GPR83: variants seen among roughly 807,000 people sequenced by gnomAD.
GPR83 encodes G-protein coupled receptor 72.
Under a neutral mutation model 28.0 loss-of-function variants are expected in GPR83, and 23 were observed. The observed-to-expected ratio is 0.82, with a 90% CI of 0.59 to 1.16. The LOEUF (loss-of-function observed/expected upper bound fraction) is 1.16, where lower values mean the gene tolerates loss of function less well. GPR83 is among the 50% of genes most tolerant of loss of function. GPR83 has a pLI of 0.00. For synonymous variants in GPR83, 234 were observed against 215.4 expected, an observed-to-expected ratio of 1.09 and a Z score of -0.76; for missense variants, 610 against 536.6, an observed-to-expected ratio of 1.14 and a Z score of -1.35.
chr11:94,384,457 C>G lies in GPR83; in HGVS notation c.648-3684G>C, dbSNP rs182298163. ...ATTTCTGCATTTCCAAGAGAGGTAC[C>G]GGGTTCATCTCACTGGGGATTGTCG... is the stretch of plus-strand genomic sequence containing the variant. On this transcript the variant is annotated intron_variant, in intron 3 of 3. Transcript: ENST00000243673. Among the ~76,000 whole-genome samples the G allele has an allele frequency of 2.0e-5, 3 of 152,266 alleles. 1 individual carries two copies. In the South Asian group the frequency reaches 6.2e-4, roughly 32 times the overall value.
In GPR83 at chr11:94,401,261, C is replaced by T. The variant is rs779447859; in HGVS notation, c.-14G>A. The T allele has an allele frequency of 1.3e-6, 2 of 1,579,104 alleles. No individual in the cohort carries two copies. The highest frequency in any genetic ancestry group is 1.7e-6 in the Non-Finnish European group (2 of 1,165,864). On this transcript the variant is annotated 5_prime_UTR_variant, in exon 1 of 4. The change creates a new upstream start codon in the 5' untranslated region. Transcript: ENST00000243673. ...GTGAGGGACCATTTTGCAGGAGCCA[C>T]CCCTCCCCTGGGAGCCTGCGGGCCG...
At chr11:94,393,787 C>G (rs564762245) in intron 2 of GPR83, among the ~76,000 whole-genome samples, 169 bp from the exon 3 acceptor site, 1 of 151,768 alleles carries the variant, frequency 6.6e-6, no homozygotes, top group Non-Finnish European at 1.5e-5. Flanking sequence ...ACAGTGAGAC[C>G]CTGTCTCTAT....
At position 94,380,763 on chromosome 11, in the gene GPR83, C is replaced by A. The variant is rs756863949; in HGVS notation, c.658G>T (p.Val220Leu). The A allele has an allele frequency of 4.6e-5, 74 of 1,607,762 alleles. No individual in the cohort carries two copies. Among genetic ancestry groups the A allele is most frequent in the Non-Finnish European group, 5.9e-5 (70 of 1,177,672 alleles). The change falls in exon 4 of 4, where the codon GTG becomes TTG. Residue 220 changes from valine (V) to leucine (L), a missense_variant. Val to Leu is a conservative substitution (Grantham distance 32, BLOSUM62 1). Transcript: ENST00000243673. ...AAGTCTGGCAGGCAGAGGGAGCGCA[C>A]AATGTCCTCACTGGGGGCAGGAAGT... ...LFTFKYSEDI[V>L]RSLCLPDFPE...
chr11:94,401,140 G>A lies in GPR83; in HGVS notation c.108C>T (p.Pro36=). Residue 36 remains proline, a synonymous_variant, in exon 1 of 4, where the codon CCC becomes CCT. Transcript: ENST00000243673. ...TCCAAGAGAAGAAGTGCGAGGCATTGGGCACGGCCAGGGCCGCCTCCGCGC... is the reference window on the plus strand; with the variant it reads ...TCCAAGAGAAGAAGTGCGAGGCATTAGGCACGGCCAGGGCCGCCTCCGCGC... ...EQSAEAALAV[P]NASHFFSWNN... 1.2e-6 allele frequency: 2 copies of A among 1,614,218 alleles called. No individual in the cohort carries two copies. Among genetic ancestry groups the A allele is most frequent in the Non-Finnish European group, 1.7e-6 (2 of 1,180,036 alleles).
At chr11:94,389,443 T>C (rs951274010) in intron 3 of GPR83, among the ~76,000 whole-genome samples, 27 of 152,166 alleles carry the variant, frequency 1.8e-4, no homozygotes, top group African/African-American at 6.5e-4. Context: ...AGGGCTGATA[T>C]CCAGAATCTA....
intron 3 of GPR83, among the ~76,000 whole-genome samples, chr11:94,386,437 C>CTGTATTCAGGAAACCCATCTCATGTG (rs1218598081): frequency 6.6e-6 from 1 of 152,162 alleles, no homozygotes; most frequent in African/African-American, 2.4e-5. Flanking sequence ...CATCAGTGTG[C>CTGTATTCAGGAAACCCATCTCATGTG]TGTATTCAGG....
Position 94,378,175 on chromosome 11 carries a change from A to C in GPR83, c.*1974T>G, listed in dbSNP as rs1944640742. On this transcript the variant is annotated 3_prime_UTR_variant, in exon 4 of 4. Transcript: ENST00000243673. ...TTTGCCCATAATTCAGTGAGTTTTC[A>C]AAATCTTGTGTCTTGAAAATTTTCA... The C allele has an allele frequency of 6.7e-6, 1 of 149,720 alleles. No homozygotes were observed. The highest frequency in any genetic ancestry group is 6.8e-5 in the Admixed American group (1 of 14,746). The allele number at this position is 149,720 out of a possible 1,614,324, so 9.3% of individuals were successfully genotyped here.
chr11:94,398,549 C>T (rs1236421881), intron 1 of GPR83, among the ~76,000 whole-genome samples: 1 of 152,180 alleles, frequency 6.6e-6, no homozygotes, highest in Non-Finnish European at 1.5e-5. Context: ...TCCTTTGACC[C>T]TCTCGTGGGA....
At chr11:94,397,466 G>A (rs1457974246) in intron 1 of GPR83, among the ~76,000 whole-genome samples, 1 of 152,202 alleles carries the variant, frequency 6.6e-6, no homozygotes, top group Non-Finnish European at 1.5e-5. Flanking sequence ...AGTGGGCAGA[G>A]GCACAGAGGC....
chr11:94,387,998 T>A (rs2134688643), intron 3 of GPR83, among the ~76,000 whole-genome samples: 1 of 152,306 alleles, frequency 6.6e-6, no homozygotes, highest in Non-Finnish European at 1.5e-5. Flanking sequence ...GCTTCATCCC[T>A]GGGATGCAAG....
chr11:94,381,801 CTG>C (rs1270923297), intron 3 of GPR83, among the ~76,000 whole-genome samples: 1 of 152,122 alleles, frequency 6.6e-6, no homozygotes, highest in South Asian at 2.1e-4. Flanking sequence ...TAATAAAAGA[CTG>C]AGAGACGGAG....
intron 3 of GPR83, among the ~76,000 whole-genome samples, chr11:94,381,386 GAA>G (rs962906218): frequency 1.3e-5 from 2 of 151,792 alleles, no homozygotes; most frequent in Non-Finnish European, 2.9e-5. Flanking sequence ...TTTTAGGGGG[GAA>G]AAAAAGTCCT....
intron 3 of GPR83, among the ~76,000 whole-genome samples, chr11:94,384,610 A>G (rs1338645147): frequency 6.6e-6 from 1 of 152,122 alleles, no homozygotes; most frequent in African/African-American, 2.4e-5. Flanking sequence ...GGGGTGACAG[A>G]CGGCACCTGG....
In GPR83 at chr11:94,377,488, G is replaced by A. The variant is rs911786687; in HGVS notation, c.*2661C>T. 6.6e-6 allele frequency: 1 copy of A among 151,992 alleles called. No homozygotes were observed. Among genetic ancestry groups the A allele is most frequent in the East Asian group, 2.0e-4 (1 of 5,030 alleles). The allele number at this position is 151,992 out of a possible 1,614,324, so 9.4% of individuals were successfully genotyped here. ...GGACAGATCTAATGAGCCATCAGTG[G>A]GTTCTCCCCAGAGTAAAAGGGTTTT... On this transcript the variant is annotated 3_prime_UTR_variant, in exon 4 of 4. Transcript: ENST00000243673.
chr11:94,393,561 C>A lies in GPR83; in HGVS notation c.571G>T (p.Ala191Ser), dbSNP rs141900602. The change falls in exon 3 of 4, where the codon GCT becomes TCT. Residue 191 changes from alanine to serine, a missense_variant. By Grantham distance (99) the Ala-to-Ser change is moderately conservative. Coordinates refer to ENST00000243673, the MANE Select transcript of GPR83 (RefSeq NM_016540.4). Reference protein sequence around the residue: ...ISITKGVIYIAVIWTMATFFS... With the variant: ...ISITKGVIYISVIWTMATFFS... ...AACGTAGCCATGGTCCAGATGACAG[C>A]GATGTAGATGACACCCTTTGTGATT... 80 of 1,613,388 alleles carry A rather than the reference C, an allele frequency of 5.0e-5. No individual in the cohort carries two copies. In the African/African-American group the frequency reaches 8.5e-4, roughly 17 times the overall value.
At chr11:94,385,418 C>T (rs890776903) in intron 3 of GPR83, among the ~76,000 whole-genome samples, 15 of 152,210 alleles carry the variant, frequency 9.9e-5, no homozygotes, top group East Asian at 5.8e-4. Flanking sequence ...GGAGGAAGTT[C>T]GAACCCACGG....
intron 3 of GPR83, among the ~76,000 whole-genome samples, chr11:94,388,083 A>T (rs1345565376): frequency 6.6e-6 from 1 of 152,230 alleles, no homozygotes; most frequent in Non-Finnish European, 1.5e-5. Flanking sequence ...CCACACGATT[A>T]TCTCAATAGA....
intron 1 of GPR83, 31 bp downstream of exon 1, chr11:94,400,829 GA>G: frequency 6.2e-7 from 1 of 1,603,654 alleles, no homozygotes; most frequent in Non-Finnish European, 8.5e-7. Flanking sequence ...GACGAAGACA[GA>G]AGGTGGGGCG....
At chr11:94,390,769 A>T (rs1944809714) in intron 3 of GPR83, among the ~76,000 whole-genome samples, 1 of 152,196 alleles carries the variant, frequency 6.6e-6, no homozygotes, top group South Asian at 2.1e-4. Context: ...CTTACAAGAG[A>T]TGTGAAGGAC....
Sources: gnomAD v4.1 joint callset for allele counts (sites outside exome capture counted in the v4.1 genomes callset) on GRCh38, gnomAD v4.1.1 for gene constraint, MANE v1.5 for transcripts, NCBI Gene and HGNC (gene_info 2026-07-23, HGNC 2026-07-21) for gene names.